The following FDX1 variants were observed in gnomAD, a reference collection of about 807,000 sequenced individuals.
FDX1 encodes ferredoxin 1.
Under a neutral mutation model 14.9 loss-of-function variants are expected in FDX1, and 9 were observed. The observed-to-expected ratio is 0.60, with a 90% CI of 0.36 to 1.05. The LOEUF (loss-of-function observed/expected upper bound fraction) is 1.05. Ranked by LOEUF, FDX1 falls within the 50% of genes least tolerant of loss-of-function variation. The probability of loss-of-function intolerance (pLI) is 0.01; values close to 1 mark genes in which losing one functional copy is unlikely to be tolerated. For missense variants in FDX1, 204 were observed against 237.2 expected, an observed-to-expected ratio of 0.86 and a Z score of 0.92; for synonymous variants, 92 against 99.4, an observed-to-expected ratio of 0.93 and a Z score of 0.44.
intron 1 of FDX1, among the ~76,000 whole-genome samples, chr11:110,431,092 G>GC (rs1302094946): frequency 2.1e-5 from 3 of 143,966 alleles, no homozygotes; most frequent in Admixed American, 1.4e-4. Context: ...CTCAGTAGAT[G>GC]CCACTTGGTA....
At chr11:110,447,567 G>GT (rs1228515026) in intron 2 of FDX1, among the ~76,000 whole-genome samples, 1 of 151,840 alleles carries the variant, frequency 6.6e-6, no homozygotes, top group African/African-American at 2.4e-5. Flanking sequence ...CCTCTTTTTT[G>GT]TTTTTTTCTC....
intron 2 of FDX1, among the ~76,000 whole-genome samples, chr11:110,440,095 A>G (rs2134678509): frequency 6.6e-6 from 1 of 152,174 alleles, no homozygotes; most frequent in East Asian, 1.9e-4. Flanking sequence ...GGATCTTTGT[A>G]TCTTTATGGG....
intron 1 of FDX1, among the ~76,000 whole-genome samples, chr11:110,431,928 G>A (rs1429579318): frequency 6.6e-6 from 1 of 152,090 alleles, no homozygotes; most frequent in South Asian, 2.1e-4. Flanking sequence ...TGTAACTACC[G>A]TAACTACTAA....
chr11:110,449,166 C>T (rs537976339), intron 2 of FDX1, among the ~76,000 whole-genome samples: 1 of 152,288 alleles, frequency 6.6e-6, no homozygotes, highest in Admixed American at 6.5e-5. Flanking sequence ...AAAAACCTGT[C>T]ATGATACATA....
rs932345222 is a variant in FDX1, at chr11:110,434,379, C to T, written c.186-1455C>T. Reference sequence around the variant, plus strand: ...GGAGACAGAGTTTCACTCTGCCACCCGGGCTGGAGTGCAGTGGTTTGATCT... The same window carrying T: ...GGAGACAGAGTTTCACTCTGCCACCTGGGCTGGAGTGCAGTGGTTTGATCT... On this transcript the variant is annotated intron_variant, in intron 1 of 3. Transcript: ENST00000260270. Among the ~76,000 whole-genome samples, 42 of 147,024 alleles carry T rather than the reference C, an allele frequency of 2.9e-4. 1 individual carries two copies. The highest frequency in any genetic ancestry group is 4.9e-4 in the Non-Finnish European group (33 of 67,428).
chr11:110,449,461 A>G (rs529332082), intron 2 of FDX1, among the ~76,000 whole-genome samples: 1 of 152,330 alleles, frequency 6.6e-6, no homozygotes, highest in South Asian at 2.1e-4. Context: ...ATGTTTTGAT[A>G]CATGTATACA....
intron 2 of FDX1, among the ~76,000 whole-genome samples, chr11:110,453,838 AGTT>A (rs1262751121): frequency 1.3e-5 from 2 of 152,212 alleles, no homozygotes; most frequent in Non-Finnish European, 2.9e-5. Context: ...CTGTAGTGAT[AGTT>A]GTTCTAACAC....
Position 110,430,002 on chromosome 11 carries a change from G to T in FDX1, c.-119G>T, listed in dbSNP as rs1420369625. ...AGGGTCTCTCCGCCACTCCAGCCCC[G>T]CGCCCCTCGCCGCGGCCCTCGGGCG... On this transcript the variant is annotated 5_prime_UTR_variant, in exon 1 of 4. Transcript: ENST00000260270. 2 of 653,620 alleles carry T rather than the reference G, an allele frequency of 3.1e-6. No homozygotes were observed. The highest frequency in any genetic ancestry group is 4.1e-5 in the East Asian group (1 of 24,674). 40.5% of individuals were successfully genotyped at this position (653,620 alleles called of 1,614,324 possible). A position where few individuals can be genotyped will look rare whatever the true frequency, so the allele number is the denominator to read the frequency against.
chr11:110,437,349 A>G (rs954403619), intron 2 of FDX1, among the ~76,000 whole-genome samples: 18 of 152,188 alleles, frequency 1.2e-4, no homozygotes, highest in African/African-American at 4.3e-4. Flanking sequence ...TAACAACTAG[A>G]ATTTGAGTGT....
chr11:110,443,612 T>A (rs550126438), intron 2 of FDX1, among the ~76,000 whole-genome samples: 12 of 152,086 alleles, frequency 7.9e-5, no homozygotes, highest in African/African-American at 2.4e-4. Flanking sequence ...ACCTAATTTT[T>A]AAAATATTTT....
rs1591246634 is a variant in FDX1 at position 110,435,714 on chromosome 11, G to T, written c.186-120G>T. Reference sequence around the variant, plus strand: ...AATAAAAATAAAAAAAATTAGCCAGGCGTGGTGCTGGGCACCTGTATTCCC... The same window carrying T: ...AATAAAAATAAAAAAAATTAGCCAGTCGTGGTGCTGGGCACCTGTATTCCC... On this transcript the variant is annotated intron_variant, in intron 1 of 3. Coordinates refer to ENST00000260270, the MANE Select transcript of FDX1 (RefSeq NM_004109.5). 3 of 633,870 alleles carry T rather than the reference G, an allele frequency of 4.7e-6. No homozygotes were observed. In the South Asian group the frequency reaches 7.9e-5, roughly 17 times the overall value. 39.3% of individuals were successfully genotyped at this position (633,870 alleles called of 1,614,324 possible). A position where few individuals can be genotyped will look rare whatever the true frequency, so the allele number is the denominator to read the frequency against.
At chr11:110,444,033 G>A (rs1432491878) in intron 2 of FDX1, among the ~76,000 whole-genome samples, 1 of 151,568 alleles carries the variant, frequency 6.6e-6, no homozygotes, top group Non-Finnish European at 1.5e-5. Flanking sequence ...TTTGTTGATA[G>A]TTTTTTTTGC....
At chr11:110,461,588 A>G (rs1347091216) in intron 3 of FDX1, among the ~76,000 whole-genome samples, 1 of 151,990 alleles carries the variant, frequency 6.6e-6, no homozygotes, top group Admixed American at 6.6e-5. Context: ...CATTCTTAAA[A>G]TGACAAATAT....
chr11:110,435,951 T>C lies in FDX1; in HGVS notation c.303T>C (p.Asp101=), dbSNP rs144228166. 220 of 1,609,474 alleles carry C rather than the reference T, an allele frequency of 1.4e-4. No individual in the cohort carries two copies. In the African/African-American group the frequency reaches 2.7e-3, roughly 20 times the overall value. ...TGGTTGAAAATAATCTAGATATTGA[T>C]GGCTTTGGTGAGTATGAAACATTTC... is the stretch of plus-strand genomic sequence containing the variant. ...DVVVENNLDI[D]GFGACEGTLA... Residue 101 remains aspartate (D), a synonymous_variant, in exon 2 of 4, where the codon GAT becomes GAC. Transcript: ENST00000260270.
At chr11:110,434,642 T>C (rs1460078454) in intron 1 of FDX1, among the ~76,000 whole-genome samples, 1 of 151,994 alleles carries the variant, frequency 6.6e-6, no homozygotes, top group Non-Finnish European at 1.5e-5. Flanking sequence ...CATGATTTGC[T>C]TTTTAGAAGC....
intron 2 of FDX1, among the ~76,000 whole-genome samples, chr11:110,451,499 T>G (rs1251640487): frequency 6.6e-6 from 1 of 152,198 alleles, no homozygotes; most frequent in East Asian, 1.9e-4. Flanking sequence ...GAATGAAAAT[T>G]AGTTCAACCA....
At chr11:110,432,332 A>G (rs76928170) in intron 1 of FDX1, among the ~76,000 whole-genome samples, 2,767 of 152,342 alleles carry the variant, frequency 0.018, 72 homozygotes, top group African/African-American at 0.058. Context: ...AAATGGGAAT[A>G]AAAATTTCAT....
At chr11:110,448,240 A>G (rs1325551095) in intron 2 of FDX1, among the ~76,000 whole-genome samples, 1 of 152,036 alleles carries the variant, frequency 6.6e-6, no homozygotes, top group East Asian at 1.9e-4. Context: ...GAAGATCCTG[A>G]TTGTGTTTGT....
In FDX1 at chr11:110,435,816, G is replaced by GAT. The variant is rs1017386438; in HGVS notation, c.186-17_186-16insTA. On this transcript the variant is annotated splice_polypyrimidine_tract_variant and intron_variant, in intron 1 of 3. Transcript: ENST00000260270. The stretch of plus-strand genomic sequence containing the variant: ...TTTGAAATTACTAAAAATACTAAAG[G>GAT]ACTGTTTTTTTTTCCAGCTCAGAAG... 12 of 1,573,294 alleles carry GAT rather than the reference G, an allele frequency of 7.6e-6. No individual in the cohort carries two copies. The highest frequency in any genetic ancestry group is 1.0e-5 in the Non-Finnish European group (12 of 1,154,618).
Sources: gnomAD v4.1 joint callset for allele counts (sites outside exome capture counted in the v4.1 genomes callset) on GRCh38, gnomAD v4.1.1 for gene constraint, MANE v1.5 for transcripts, NCBI Gene and HGNC (gene_info 2026-07-23, HGNC 2026-07-21) for gene names.